Variants in KIF11 observed in about 807,000 individuals in gnomAD.
The protein encoded by KIF11 is kinesin family member 11.
A neutral mutation model predicts 121.0 loss-of-function variants in KIF11; 9 were observed. The ratio of observed to expected loss-of-function variants is 0.07; its 90% confidence interval spans 0.04 to 0.13. The LOEUF is 0.13. Ranked by LOEUF, KIF11 falls within the 10% of genes least tolerant of loss-of-function variation. The pLI, the probability that KIF11 is intolerant of heterozygous loss-of-function variation, is 1.00. For missense variants in KIF11, 846 were observed against 1,217.5 expected, an observed-to-expected ratio of 0.69 and a Z score of 4.54; for synonymous variants, 408 against 421.0, an observed-to-expected ratio of 0.97 and a Z score of 0.38.
chr10:92,627,037 C>T (rs1479299516), intron 10 of KIF11, among the ~76,000 whole-genome samples: 2 of 152,222 alleles, frequency 1.3e-5, no homozygotes, highest in African/African-American at 2.4e-5. Flanking sequence ...GCTAGGATTA[C>T]AGGCGTGAGC....
intron 18 of KIF11, among the ~76,000 whole-genome samples, chr10:92,646,142 TG>T (rs1844916985): frequency 6.6e-6 from 1 of 151,906 alleles, no homozygotes. Flanking sequence ...TTAGTAGAGA[TG>T]GGGTTTCACT....
At chr10:92,639,396 T>C (rs1036062518) in intron 16 of KIF11, among the ~76,000 whole-genome samples, 4 of 152,138 alleles carry the variant, frequency 2.6e-5, no homozygotes, top group African/African-American at 9.7e-5. Flanking sequence ...AAGACCAGCC[T>C]GGTCAACATA....
chr10:92,593,529 G>T, intron 1 of KIF11, 77 bp downstream of exon 1: 1 of 1,247,012 alleles, frequency 8.0e-7, no homozygotes, highest in South Asian at 1.4e-5. Flanking sequence ...CAGGGAGAGG[G>T]ATTTTATTTG....
chr10:92,649,378 T>A (rs1844956405), intron 19 of KIF11, among the ~76,000 whole-genome samples: 1 of 152,138 alleles, frequency 6.6e-6, no homozygotes, highest in African/African-American at 2.4e-5. Flanking sequence ...GGCAGGAGGA[T>A]CGTTTGAGCC....
At chr10:92,605,222 G>A (rs1405860465) in intron 1 of KIF11, among the ~76,000 whole-genome samples, 1 of 152,136 alleles carries the variant, frequency 6.6e-6, no homozygotes, top group African/African-American at 2.4e-5. Flanking sequence ...AGTCGGCAGT[G>A]TAGACCTTCT....
chr10:92,646,220 G>A (rs1300157217), intron 18 of KIF11, among the ~76,000 whole-genome samples: 1 of 152,062 alleles, frequency 6.6e-6, no homozygotes, highest in Non-Finnish European at 1.5e-5. Context: ...CCAAAGTGCT[G>A]GGATTACAGG....
chr10:92,615,269 G>T (rs1286817413), intron 8 of KIF11, among the ~76,000 whole-genome samples: 1 of 152,042 alleles, frequency 6.6e-6, no homozygotes, highest in Non-Finnish European at 1.5e-5. Flanking sequence ...AGCTGGGCAT[G>T]GTGGTGCGCG....
At chr10:92,624,279 G>A (rs1353540917) in intron 10 of KIF11, among the ~76,000 whole-genome samples, 1 of 145,342 alleles carries the variant, frequency 6.9e-6, no homozygotes, top group East Asian at 2.0e-4. Context: ...CACCCAGGCT[G>A]GAGTATAGTG....
intron 1 of KIF11, among the ~76,000 whole-genome samples, chr10:92,593,937 G>A (rs1844262654): frequency 6.6e-6 from 1 of 152,144 alleles, no homozygotes; most frequent in East Asian, 1.9e-4. Context: ...TTTTTTAAAA[G>A]ATCAAGACAA....
intron 18 of KIF11, among the ~76,000 whole-genome samples, chr10:92,646,108 C>T (rs1388108696): frequency 6.6e-6 from 1 of 152,006 alleles, no homozygotes; most frequent in African/African-American, 2.4e-5. Flanking sequence ...CCTGCCACCA[C>T]ACCCGGCTAA....
Position 92,630,280 on chromosome 10 carries a change from A to C in KIF11, c.1410A>C (p.Glu470Asp). 1 of 1,611,014 alleles carries C rather than the reference A, an allele frequency of 6.2e-7. No homozygotes were observed. Among genetic ancestry groups the C allele is most frequent in the East Asian group, 2.2e-5 (1 of 44,810 alleles). The change falls in exon 12 of 22, where the codon GAA (glutamate) becomes GAC (aspartate). Residue 470 changes from glutamate to aspartate, a missense_variant. By Grantham distance (45) the Glu-to-Asp change is conservative (BLOSUM62 2). Around this residue, in one of 5 missense-constraint regions of KIF11, gnomAD observed 95 missense variants for 109.3 expected, o/e 0.87. Coordinates refer to ENST00000260731, the MANE Select transcript of KIF11 (RefSeq NM_004523.4). ...ELETTQKHLQETKLQLVKEEY... is the reference protein window; with the variant it reads ...ELETTQKHLQDTKLQLVKEEY... The stretch of plus-strand genomic sequence containing the variant: ...AAACCACTCAAAAACATTTGCAAGA[A>C]ACTAAATTACAACTTGTTAAAGAAG...
Position 92,616,730 on chromosome 10 carries a change from A to G in KIF11, c.1033-7A>G. ...CTTCAGTAATTGACCTTTCCTTTCC[A>G]TGACAGGAAACTCTGAGTACATTGG... On this transcript the variant is annotated splice_polypyrimidine_tract_variant and splice_region_variant and intron_variant, in intron 8 of 21. Coordinates refer to ENST00000260731, the MANE Select transcript of KIF11 (RefSeq NM_004523.4). 6.6e-7 allele frequency: 1 copy of G among 1,516,644 alleles called. No individual in the cohort carries two copies. The highest frequency in any genetic ancestry group is 9.1e-7 in the Non-Finnish European group (1 of 1,096,570). The allele number at this position is 1,516,644 out of a possible 1,614,324, so 93.9% of individuals were successfully genotyped here. A position where few individuals can be genotyped will look rare whatever the true frequency, so the allele number is the denominator to read the frequency against.
chr10:92,626,151 G>A (rs1205945347), intron 10 of KIF11, among the ~76,000 whole-genome samples: 4 of 152,108 alleles, frequency 2.6e-5, no homozygotes, highest in Admixed American at 6.6e-5. Flanking sequence ...TGGAGGCATC[G>A]CATTACCTGA....
At chr10:92,621,324 T>C in intron 9 of KIF11, 61 bp from the exon 10 acceptor site, 1 of 928,782 alleles carries the variant, frequency 1.1e-6, no homozygotes, top group Non-Finnish European at 1.7e-6. Context: ...TTGTTGCATG[T>C]CCTTCCCAAA....
chr10:92,602,957 C>T (rs1385489836), intron 1 of KIF11, among the ~76,000 whole-genome samples: 7 of 151,134 alleles, frequency 4.6e-5, no homozygotes, highest in East Asian at 2.0e-4. Flanking sequence ...CCGGTTCAAG[C>T]GATTCTCCTG....
At chr10:92,609,614 C>A in intron 6 of KIF11, 105 bp downstream of exon 6, 1 of 1,061,228 alleles carries the variant, frequency 9.4e-7, no homozygotes, top group South Asian at 1.7e-5. Flanking sequence ...GGTCACGTAC[C>A]TAGAGTTTGT....
Position 92,648,410 on chromosome 10 carries a change from G to A in KIF11, c.2746G>A (p.Asp916Asn). 1 of 1,603,058 alleles carries A rather than the reference G, an allele frequency of 6.2e-7. No homozygotes were observed. Among genetic ancestry groups the A allele is most frequent in the Non-Finnish European group, 8.5e-7 (1 of 1,174,722 alleles). The change falls in exon 19 of 22, where the codon GAT becomes AAT. Residue 916 changes from aspartate (D) to asparagine (N), a missense_variant. Transcript: ENST00000260731. ...LTKLNCFLEQ[D>N]LKLDIPTGTT... ...TAAGCTTAATTGCTTTCTGGAACAGGATCTGAAACTGGATATCCCAACAGG... is the reference window on the plus strand; with the variant it reads ...TAAGCTTAATTGCTTTCTGGAACAGAATCTGAAACTGGATATCCCAACAGG...
intron 19 of KIF11, among the ~76,000 whole-genome samples, chr10:92,649,120 C>G (rs1429482878): frequency 2.8e-5 from 4 of 144,702 alleles, no homozygotes; most frequent in African/African-American, 1.0e-4. Flanking sequence ...TCACAAAACT[C>G]TTTTTTTTTT....
intron 5 of KIF11, 49 bp from the exon 6 acceptor site, chr10:92,609,336 G>A (rs1338560718): frequency 6.7e-7 from 1 of 1,484,672 alleles, no homozygotes; most frequent in South Asian, 1.2e-5. Context: ...GTGTGTGTGT[G>A]TGTGTGTTTT....
Sources: allele counts gnomAD v4.1 joint callset (sites outside exome capture counted in the v4.1 genomes callset), GRCh38; gene constraint gnomAD v4.1.1; regional missense constraint gnomAD v4.1.1; transcripts MANE v1.5; gene names NCBI Gene and HGNC (gene_info 2026-07-23, HGNC 2026-07-21).